LSAMP: variants seen among roughly 807,000 people sequenced by gnomAD.
The protein encoded by LSAMP is limbic system associated membrane protein.
A neutral mutation model predicts 38.6 loss-of-function variants in LSAMP; 7 were observed. The observed-to-expected ratio is 0.18, with a 90% confidence interval of 0.10 to 0.34. The LOEUF (loss-of-function observed/expected upper bound fraction) is 0.34. Ranked by LOEUF, LSAMP falls within the 10% of genes least tolerant of loss-of-function variation. LSAMP has a pLI of 1.00. For missense variants in LSAMP, 313 were observed against 420.0 expected, an observed-to-expected ratio of 0.75 and a Z score of 2.23; for synonymous variants, 154 against 166.8, an observed-to-expected ratio of 0.92 and a Z score of 0.59.
intron 1 of LSAMP, among the ~76,000 whole-genome samples, chr3:116,233,815 T>C (rs1351450876): frequency 1.3e-5 from 2 of 152,208 alleles, no homozygotes; most frequent in East Asian, 1.9e-4. Context: ...GAATTATTGA[T>C]ATCCTGTGAC....
Position 115,881,263 on chromosome 3 carries a change from G to A in LSAMP, c.515-28646C>T, listed in dbSNP as rs148366323. Among the ~76,000 whole-genome samples the A allele has an allele frequency of 8.4e-3, 1,277 of 152,094 alleles. 17 individuals are homozygous for A. The highest frequency in any genetic ancestry group is 0.029 in the African/African-American group (1,191 of 41,488). ...GTTATGCACATAACCATTGCTCTTT[G>A]CCAGCCTGGACACTCTTGAAAACCT... On this transcript the variant is annotated intron_variant, in intron 3 of 6. Transcript: ENST00000490035.
intron 1 of LSAMP, among the ~76,000 whole-genome samples, chr3:116,246,202 T>TC (rs201343672): frequency 1.6e-3 from 241 of 152,306 alleles, no homozygotes; most frequent in African/African-American, 5.5e-3. Context: ...CTTCAATAGT[T>TC]CCTAGAGTGT....
At chr3:116,411,134 T>C (rs1159787824) in intron 1 of LSAMP, among the ~76,000 whole-genome samples, 3 of 152,102 alleles carry the variant, frequency 2.0e-5, no homozygotes, top group Non-Finnish European at 2.9e-5. Context: ...CAACAGGTGC[T>C]GGAGAGGATG....
At chr3:115,829,421 G>A (rs1335261253) in intron 6 of LSAMP, among the ~76,000 whole-genome samples, 1 of 152,194 alleles carries the variant, frequency 6.6e-6, no homozygotes, top group African/African-American at 2.4e-5. Flanking sequence ...ATTTTCATGT[G>A]TATTAATCAG....
chr3:116,032,968 A>T (rs1272549641), intron 2 of LSAMP, among the ~76,000 whole-genome samples: 1 of 152,170 alleles, frequency 6.6e-6, no homozygotes, highest in East Asian at 1.9e-4. Context: ...AATGCCACTG[A>T]TTGCGTAGAA....
At chr3:116,432,697 G>C (rs2049297058) in intron 1 of LSAMP, among the ~76,000 whole-genome samples, 1 of 152,090 alleles carries the variant, frequency 6.6e-6, no homozygotes, top group Admixed American at 6.6e-5. Flanking sequence ...TATAAGACAA[G>C]TAGGAGTTGG....
intron 1 of LSAMP, among the ~76,000 whole-genome samples, chr3:116,305,537 C>G (rs2047470189): frequency 1.3e-5 from 2 of 150,144 alleles, no homozygotes; most frequent in South Asian, 2.1e-4. Context: ...AAGTATGCGC[C>G]AGCTTGCACG....
intron 1 of LSAMP, among the ~76,000 whole-genome samples, chr3:116,412,155 C>T (rs1204106618): frequency 6.6e-6 from 1 of 152,144 alleles, no homozygotes; most frequent in East Asian, 1.9e-4. Flanking sequence ...GAAACTATTC[C>T]TCCTCAGGGA....
chr3:116,397,502 T>A (rs1029544382), intron 1 of LSAMP, among the ~76,000 whole-genome samples: 1 of 151,842 alleles, frequency 6.6e-6, no homozygotes, highest in Non-Finnish European at 1.5e-5. Context: ...TACTTATTTA[T>A]TTATATTATT....
At chr3:116,276,447 T>A (rs1576476698) in intron 1 of LSAMP, among the ~76,000 whole-genome samples, 1 of 152,124 alleles carries the variant, frequency 6.6e-6, no homozygotes, top group East Asian at 1.9e-4. Context: ...CATTGTATGT[T>A]CTCACTGATA....
At chr3:116,074,893 G>A (rs1368255883) in intron 2 of LSAMP, among the ~76,000 whole-genome samples, 1 of 145,220 alleles carries the variant, frequency 6.9e-6, no homozygotes, top group Non-Finnish European at 1.5e-5. Flanking sequence ...GCCCAGGCTG[G>A]AGTGCAATGG....
chr3:116,269,234 G>A (rs1002066245), intron 1 of LSAMP, among the ~76,000 whole-genome samples: 1 of 152,046 alleles, frequency 6.6e-6, no homozygotes, highest in Non-Finnish European at 1.5e-5. Context: ...TTATGTATAA[G>A]CCTTGTGATA....
chr3:116,327,976 T>C (rs987572440), intron 1 of LSAMP, among the ~76,000 whole-genome samples: 10 of 152,092 alleles, frequency 6.6e-5, no homozygotes, highest in African/African-American at 2.4e-4. Context: ...TCAATTCTGT[T>C]CCTTATTTCT....
chr3:115,890,200 T>C (rs929590620), intron 3 of LSAMP, among the ~76,000 whole-genome samples: 1 of 151,960 alleles, frequency 6.6e-6, no homozygotes, highest in Non-Finnish European at 1.5e-5. Context: ...ATATGCTGGC[T>C]CAATACAGAC....
At chr3:115,969,839 G>T (rs1415419575) in intron 3 of LSAMP, among the ~76,000 whole-genome samples, 1 of 152,072 alleles carries the variant, frequency 6.6e-6, no homozygotes, top group Non-Finnish European at 1.5e-5. Flanking sequence ...ACCAGTTGGG[G>T]TCCAAAATGT....
intron 3 of LSAMP, among the ~76,000 whole-genome samples, chr3:115,877,781 A>G (rs1936220925): frequency 6.6e-6 from 1 of 152,034 alleles, no homozygotes; most frequent in African/African-American, 2.4e-5. Flanking sequence ...TCAGCAAGGG[A>G]ATAATTTGGT....
At chr3:116,138,994 G>A (rs1224101833) in intron 1 of LSAMP, among the ~76,000 whole-genome samples, 4 of 151,352 alleles carry the variant, frequency 2.6e-5, no homozygotes, top group African/African-American at 7.3e-5. Flanking sequence ...ATTATACATT[G>A]AGCATTATAT....
intron 1 of LSAMP, among the ~76,000 whole-genome samples, chr3:116,357,340 C>T (rs2048239471): frequency 6.6e-6 from 1 of 151,820 alleles, no homozygotes; most frequent in African/African-American, 2.4e-5. Flanking sequence ...TAACATTTGC[C>T]CTGAAAAGTA....
chr3:116,355,982 T>A (rs1380894401), intron 1 of LSAMP, among the ~76,000 whole-genome samples: 1 of 152,180 alleles, frequency 6.6e-6, no homozygotes, highest in Non-Finnish European at 1.5e-5. Context: ...TTGGTGAGAA[T>A]GTAAATTAGT....
Sources: allele counts gnomAD v4.1 joint callset (sites outside exome capture counted in the v4.1 genomes callset), GRCh38; gene constraint gnomAD v4.1.1; transcripts MANE v1.5; gene names NCBI Gene and HGNC (gene_info 2026-07-23, HGNC 2026-07-21).